Variants in MIB1 observed in about 807,000 individuals in gnomAD.
MIB1 encodes the protein MIB E3 ubiquitin protein ligase 1, also known as E3 ubiquitin-protein ligase MIB1.
MIB1 carries 278 observed loss-of-function variants against 124.5 expected under a neutral mutation model. That is an observed-to-expected ratio of 2.23 (90% CI 2.02 to 2.47). The LOEUF (loss-of-function observed/expected upper bound fraction) is 2.47. MIB1 is among the 30% of genes most tolerant of loss of function. The pLI is 0.00. For synonymous variants in MIB1, 446 were observed against 429.4 expected, an observed-to-expected ratio of 1.04 and a Z score of -0.48; for missense variants, 957 against 1,254.4, an observed-to-expected ratio of 0.76 and a Z score of 3.58.
At chr18:21,811,700 G>C (rs541714981) in intron 10 of MIB1, among the ~76,000 whole-genome samples, 2 of 152,164 alleles carry the variant, frequency 1.3e-5, no homozygotes, top group South Asian at 4.2e-4. Context: ...TCCAGAGATG[G>C]GGGGGTAGGA....
In MIB1 at chr18:21,866,482, T is replaced by TA. The variant is rs2146528912; in HGVS notation, c.*1817dup. On this transcript the variant is annotated 3_prime_UTR_variant, in exon 21 of 21. Coordinates refer to ENST00000261537, the MANE Select transcript of MIB1 (RefSeq NM_020774.4). ...TGTTCACATAAAGAGACAGACAGAC[T>TA]ATCATGTTGCAGACATGAAAACAGC... 1 of 152,340 alleles carries TA rather than the reference T, an allele frequency of 6.6e-6. No homozygotes were observed. The highest frequency in any genetic ancestry group is 2.1e-4 in the South Asian group (1 of 4,830). The allele number at this position is 152,340 out of a possible 1,614,324, so 9.4% of individuals were successfully genotyped here.
upstream of MIB1, among the ~76,000 whole-genome samples, chr18:21,737,984 C>T (rs1292755490): frequency 6.6e-6 from 1 of 152,126 alleles, no homozygotes; most frequent in Non-Finnish European, 1.5e-5. Flanking sequence ...ACAAAATTAA[C>T]AAGGATATCC....
At chr18:21,821,228 A>G (rs1284922747) in intron 12 of MIB1, among the ~76,000 whole-genome samples, 1 of 152,138 alleles carries the variant, frequency 6.6e-6, no homozygotes, top group Non-Finnish European at 1.5e-5. Flanking sequence ...CAAATTATCC[A>G]TTCTGAAAGC....
chr18:21,781,415 A>ATATATATATAT (rs1568199129), intron 6 of MIB1, among the ~76,000 whole-genome samples: 1 of 99,482 alleles, frequency 1.0e-5, no homozygotes, highest in Non-Finnish European at 2.0e-5. Context: ...ATATATATAT[A>ATATATATATAT]AAATTATTAT....
intron 1 of MIB1, among the ~76,000 whole-genome samples, chr18:21,729,160 CTG>C (rs2040756396): frequency 6.6e-6 from 1 of 152,212 alleles, no homozygotes; most frequent in Non-Finnish European, 1.5e-5. Context: ...TTATATAGAA[CTG>C]TGTCACATGG....
At position 21,857,165 on chromosome 18, in the gene MIB1, C is replaced by T. The variant is rs369135845; in HGVS notation, c.2701C>T (p.Arg901Ter). 2.0e-5 allele frequency: 33 copies of T among 1,613,938 alleles called. No individual in the cohort carries two copies. The highest frequency in any genetic ancestry group is 3.3e-4 in the Middle Eastern group (2 of 6,084). Reference protein sequence around the residue: ...ANLMKKCVQCRAVVERRVPFI... With the variant: ...ANLMKKCVQC ...CCTGATGAAAAAGTGTGTGCAGTGT[C>T]GAGCAGTAGTTGAACGAAGAGTGCC... Residue 901 changes from arginine to a stop codon, truncating the protein, a stop_gained, in exon 19 of 21, where the codon CGA (arginine) becomes TGA (stop). Transcript: ENST00000261537. LOFTEE classifies it high-confidence loss of function.
chr18:21,707,156 G>C (rs1210817019), intron 1 of MIB1, among the ~76,000 whole-genome samples: 1 of 152,092 alleles, frequency 6.6e-6, no homozygotes, highest in African/African-American at 2.4e-5. Context: ...AAATACACCA[G>C]TCAGCACTCT....
At chr18:21,745,752 G>A (rs118112345) in intron 1 of MIB1, among the ~76,000 whole-genome samples, 8,509 of 151,760 alleles carry the variant, frequency 0.056, 300 homozygotes, top group Middle Eastern at 0.12. Flanking sequence ...TGTGGTCCAG[G>A]CTGGAATGCA....
chr18:21,848,201 T>A (rs1031601108), intron 16 of MIB1, among the ~76,000 whole-genome samples: 1 of 152,184 alleles, frequency 6.6e-6, no homozygotes, highest in Non-Finnish European at 1.5e-5. Flanking sequence ...GGCTCACACC[T>A]GTAATCTGAG....
chr18:21,803,370 G>A (rs953954862), intron 9 of MIB1, among the ~76,000 whole-genome samples: 5 of 152,182 alleles, frequency 3.3e-5, no homozygotes, highest in African/African-American at 1.2e-4. Flanking sequence ...AACATCTGAA[G>A]TGAAGGAAAG....
chr18:21,853,292 GT>G (rs1189950555), intron 18 of MIB1, 74 bp downstream of exon 18: 26 of 1,165,438 alleles, frequency 2.2e-5, no homozygotes, highest in South Asian at 2.7e-5. Flanking sequence ...GTTTTTGAGG[GT>G]TTTTTTGCTT....
At chr18:21,853,065 G>T in intron 17 of MIB1, 75 bp from the exon 18 acceptor site, 3 of 936,674 alleles carry the variant, frequency 3.2e-6, no homozygotes, top group Non-Finnish European at 3.5e-6. Context: ...AATACATTTG[G>T]ATATAATTGA....
At chr18:21,743,612 T>A (rs960025621) in intron 1 of MIB1, among the ~76,000 whole-genome samples, 1 of 152,262 alleles carries the variant, frequency 6.6e-6, no homozygotes, top group Non-Finnish European at 1.5e-5. Context: ...GTTTGAGGCC[T>A]ATGCCTAATT....
chr18:21,740,786 A>G (rs1218132226), upstream of MIB1, among the ~76,000 whole-genome samples: 1 of 152,122 alleles, frequency 6.6e-6, no homozygotes, highest in Non-Finnish European at 1.5e-5. Flanking sequence ...GCGCATGCGC[A>G]CTCTCCTTGG....
intron 1 of MIB1, among the ~76,000 whole-genome samples, chr18:21,755,558 G>A (rs1180608965): frequency 6.6e-6 from 1 of 151,996 alleles, no homozygotes; most frequent in Non-Finnish European, 1.5e-5. Context: ...CTCGTGATCC[G>A]CCTGCCTCAG....
intron 1 of MIB1, among the ~76,000 whole-genome samples, chr18:21,710,127 T>C (rs2040659155): frequency 6.7e-6 from 1 of 148,286 alleles, no homozygotes; most frequent in Admixed American, 6.7e-5. Context: ...GAAATTCTCT[T>C]TTTTTTTTTT....
In MIB1 at chr18:21,838,354, T is replaced by A; in HGVS notation, c.1830-11T>A. ...ATGCAAATATAGAAATAATGTGAAT[T>A]TAACTTTCAGTGCAATGCGTGTTTT... is the stretch of plus-strand genomic sequence containing the variant. On this transcript the variant is annotated splice_polypyrimidine_tract_variant and intron_variant, in intron 12 of 20. Coordinates refer to ENST00000261537, the MANE Select transcript of MIB1 (RefSeq NM_020774.4). 1 of 1,559,798 alleles carries A rather than the reference T, an allele frequency of 6.4e-7. No individual in the cohort carries two copies. The highest frequency in any genetic ancestry group is 8.7e-7 in the Non-Finnish European group (1 of 1,151,784).
chr18:21,814,290 A>G (rs961757786), intron 10 of MIB1, among the ~76,000 whole-genome samples: 6 of 151,690 alleles, frequency 4.0e-5, no homozygotes, highest in Non-Finnish European at 2.9e-5. Context: ...AATATACAGA[A>G]AAATGTATGC....
chr18:21,838,466 A>G lies in MIB1; in HGVS notation c.1931A>G (p.His644Arg). The change falls in exon 13 of 21, where the codon CAC (histidine) becomes CGC (arginine). Residue 644 changes from histidine to arginine, a missense_variant. Coordinates refer to ENST00000261537, the MANE Select transcript of MIB1 (RefSeq NM_020774.4). ...TTACATCTGGCTGCCCTTAATAATC[A>G]CGTAGAAGTGGCTGAACTGTTGGTA... ...TALHLAALNNHVEVAELLVHQ... is the reference protein window; with the variant it reads ...TALHLAALNNRVEVAELLVHQ... 6.2e-7 allele frequency: 1 copy of G among 1,609,664 alleles called. No individual in the cohort carries two copies.
Sources: gnomAD v4.1 joint callset for allele counts (sites outside exome capture counted in the v4.1 genomes callset) on GRCh38, gnomAD v4.1.1 for gene constraint, MANE v1.5 for transcripts, NCBI Gene and HGNC (gene_info 2026-07-23, HGNC 2026-07-21) for gene names.